ZNF689: variants seen among roughly 807,000 people sequenced by gnomAD.
The protein encoded by ZNF689 is zinc finger protein 689, also known as short ORF-encoded histone-binding protein.
Under a neutral mutation model 37.2 loss-of-function variants are expected in ZNF689, and 14 were observed. The ratio of observed to expected loss-of-function variants is 0.38; its 90% CI spans 0.25 to 0.59. The LOEUF is 0.59. Among genes scored for constraint, ZNF689 ranks in the 20% least tolerant of loss-of-function variants. The pLI, the probability that ZNF689 is intolerant of heterozygous loss-of-function variation, is 0.68. For missense variants in ZNF689, 573 were observed against 700.2 expected (o/e 0.82, Z 2.05); for synonymous variants, 277 against 283.3 (o/e 0.98, Z 0.22).
Position 30,604,088 on chromosome 16 carries a change from G to A in ZNF689, c.*176C>T. The A allele has an allele frequency of 1.3e-6, 1 of 755,654 alleles. No homozygotes were observed. 46.8% of individuals were successfully genotyped at this position (755,654 alleles called of 1,614,324 possible). A position where few individuals can be genotyped will look rare whatever the true frequency, so the allele number is the denominator to read the frequency against. On this transcript the variant is annotated 3_prime_UTR_variant, in exon 3 of 3. Transcript: ENST00000287461. The surrounding 1 kb of genome is among the most constrained non-coding windows in gnomAD (Gnocchi z 5.2). ...CAAATGACGTCACCTCTCCTAATGG[G>A]ACTGTTCCAGACACGCACAGGGAGG...
intron 2 of ZNF689, chr16:30,608,279 T>C (rs1447441678): frequency 7.0e-6 from 1 of 142,304 alleles, no homozygotes; most frequent in African/African-American, 2.6e-5. Context: ...GGTTTTCTTT[T>C]CTTTTTTTTT....
rs543393690 is a variant in ZNF689, at chr16:30,609,983, C to T, written c.59G>A (p.Arg20Gln). Residue 20 changes from arginine to glutamine, a missense_variant, in exon 1 of 3, where the codon CGG (arginine) becomes CAG (glutamine). By Grantham distance (43) the Arg-to-Gln change is conservative. Transcript: ENST00000287461. ...AGCCCTCGGCCTCCTGCCCCTTTTCCGACTGGGTCTGGCCTTTCCTGGTCC... is the reference window on the plus strand; with the variant it reads ...AGCCCTCGGCCTCCTGCCCCTTTTCTGACTGGGTCTGGCCTTTCCTGGTCC... ...AQGPGKARPS[R>Q]KRGRRPRALK... is the part of the protein sequence containing the mutation. The T allele has an allele frequency of 1.2e-6, 2 of 1,610,986 alleles. No individual in the cohort carries two copies. The highest frequency in any genetic ancestry group is 1.7e-5 in the Admixed American group (1 of 59,776).
chr16:30,605,521 G>T lies in ZNF689; in HGVS notation c.320-74C>A. 6.9e-7 allele frequency: 1 copy of T among 1,448,778 alleles called. No homozygotes were observed. Among genetic ancestry groups the T allele is most frequent in the South Asian group, 1.3e-5 (1 of 76,492 alleles). The allele number at this position is 1,448,778 out of a possible 1,614,324, so 89.7% of individuals were successfully genotyped here. On this transcript the variant is annotated intron_variant, in intron 2 of 2. Transcript: ENST00000287461. The surrounding 1 kb of genome is among the most constrained non-coding windows in gnomAD (Gnocchi z 5.1). ...TTGTCAATTACATTATAGGTTACAA[G>T]ACCAATAGACTCACCCCCTGGTCTC... is the stretch of plus-strand genomic sequence containing the variant.
At chr16:30,607,406 C>G (rs1188641932) in intron 2 of ZNF689, among the ~76,000 whole-genome samples, 1 of 149,558 alleles carries the variant, frequency 6.7e-6, no homozygotes, top group Admixed American at 6.7e-5. Context: ...GCCTGGCCAA[C>G]ATGGTGAAAC....
Position 30,605,951 on chromosome 16 carries a change from CA to C in ZNF689, c.320-505del, listed in dbSNP as rs1213916674. ...TGGGCGAGAGAGCGAGATTCCATCTCAAAAAAAAAAAAAAAAGGAATATTTT... is the reference window on the plus strand; with the variant it reads ...TGGGCGAGAGAGCGAGATTCCATCTCAAAAAAAAAAAAAAAGGAATATTTT... On this transcript the variant is annotated intron_variant, in intron 2 of 2. Transcript: ENST00000287461. The surrounding 1 kb of genome is among the most constrained non-coding windows in gnomAD (Gnocchi z 5.1). Among the ~76,000 whole-genome samples the C allele has an allele frequency of 0.036, 2,360 of 66,044 alleles. 44 individuals are homozygous for C. The highest frequency in any genetic ancestry group is 0.094 in the African/African-American group (1,808 of 19,186). The allele number at this position is 66,044 out of a possible 152,430, so 43.3% of individuals were successfully genotyped here.
chr16:30,604,593 G>C lies in ZNF689; in HGVS notation c.1174C>G (p.Arg392Gly). Residue 392 changes from arginine to glycine, a missense_variant, in exon 3 of 3, where the codon CGC becomes GGC. Transcript: ENST00000287461. This position sits in a 1 kb window ranked among gnomAD's most constrained non-coding sequence, Gnocchi z 5.2. ...AGCTTCTCCTCTGTGTGCGTGCTGC[G>C]ATGGATGGCCAGGGAGCCGCTCCGC... ...FRRSGSLAIH[R>G]STHTEEKLHA... The C allele has an allele frequency of 6.3e-7, 1 of 1,596,064 alleles. No individual in the cohort carries two copies. The highest frequency in any genetic ancestry group is 8.5e-7 in the Non-Finnish European group (1 of 1,171,594).
At position 30,605,951 on chromosome 16, in the gene ZNF689, CAAA is replaced by C. The variant is rs1213916674; in HGVS notation, c.320-507_320-505del. Among the ~76,000 whole-genome samples the C allele has an allele frequency of 1.1e-4, 7 of 66,068 alleles. No homozygotes were observed. The highest frequency in any genetic ancestry group is 9.8e-5 in the Non-Finnish European group (3 of 30,590). 43.3% of individuals were successfully genotyped at this position (66,068 alleles called of 152,430 possible). A position where few individuals can be genotyped will look rare whatever the true frequency, so the allele number is the denominator to read the frequency against. On this transcript the variant is annotated intron_variant, in intron 2 of 2. Coordinates refer to ENST00000287461, the MANE Select transcript of ZNF689 (RefSeq NM_138447.3). The surrounding 1 kb of genome is among the most constrained non-coding windows in gnomAD (Gnocchi z 5.1). ...TGGGCGAGAGAGCGAGATTCCATCT[CAAA>C]AAAAAAAAAAAAAGGAATATTTTTG...
rs1419206120 is a variant in ZNF689 at position 30,602,807 on chromosome 16, C to T, written c.*1457G>A. 2.6e-5 allele frequency: 4 copies of T among 152,172 alleles called. No homozygotes were observed. Among genetic ancestry groups the T allele is most frequent in the Non-Finnish European group, 5.9e-5 (4 of 68,040 alleles). 9.4% of individuals were successfully genotyped at this position (152,172 alleles called of 1,614,324 possible). A position where few individuals can be genotyped will look rare whatever the true frequency, so the allele number is the denominator to read the frequency against. On this transcript the variant is annotated 3_prime_UTR_variant, in exon 3 of 3. Coordinates refer to ENST00000287461, the MANE Select transcript of ZNF689 (RefSeq NM_138447.3). Reference sequence around the variant, plus strand: ...AGCTGTTGGAATATGAGATGAGTCACATCTGGAAATTCTAATTTGGTGCAG... The same window carrying T: ...AGCTGTTGGAATATGAGATGAGTCATATCTGGAAATTCTAATTTGGTGCAG...
chr16:30,603,392 A>ATTTTTGTTTTTTTTTT lies in ZNF689; in HGVS notation c.*871_*872insAAAAAAAAAACAAAAA, dbSNP rs2051999516. The ATTTTTGTTTTTTTTTT allele has an allele frequency of 6.8e-6, 1 of 146,444 alleles. No homozygotes were observed. 9.1% of individuals were successfully genotyped at this position (146,444 alleles called of 1,614,324 possible). ...TTTTTTTTTTTTTTAAGTTTAGGGC[A>ATTTTTGTTTTTTTTTT]TTTATATATCTGCAACCCAATAAAC... On this transcript the variant is annotated 3_prime_UTR_variant, in exon 3 of 3. Coordinates refer to ENST00000287461, the MANE Select transcript of ZNF689 (RefSeq NM_138447.3).
At position 30,605,486 on chromosome 16, in the gene ZNF689, G is replaced by A. The variant is rs2052027872; in HGVS notation, c.320-39C>T. ...GAAGCATTAATTTAACAAATACTGGGCTCCTGCTCTTGTCAATTACATTAT... is the reference window on the plus strand; with the variant it reads ...GAAGCATTAATTTAACAAATACTGGACTCCTGCTCTTGTCAATTACATTAT... On this transcript the variant is annotated intron_variant, in intron 2 of 2. Coordinates refer to ENST00000287461, the MANE Select transcript of ZNF689 (RefSeq NM_138447.3). The surrounding 1 kb of genome is among the most constrained non-coding windows in gnomAD (Gnocchi z 5.1). 1 of 1,580,800 alleles carries A rather than the reference G, an allele frequency of 6.3e-7. No homozygotes were observed. Among genetic ancestry groups the A allele is most frequent in the Non-Finnish European group, 8.6e-7 (1 of 1,163,532 alleles).
chr16:30,609,599 T>G lies in ZNF689; in HGVS notation c.245A>C (p.Glu82Ala). Residue 82 changes from glutamate to alanine, a missense_variant, in exon 2 of 3, where the codon GAA becomes GCA. Glu to Ala is a moderately radical substitution (Grantham distance 107). Around this residue, in one of 3 missense-constraint regions of ZNF689, gnomAD observed 252 missense variants for 313.3 expected, o/e 0.80. Coordinates refer to ENST00000287461, the MANE Select transcript of ZNF689 (RefSeq NM_138447.3). ...GPKPALISWL[E>A]RNTDDWEPAA... is the part of the protein sequence containing the mutation. Reference sequence around the variant, plus strand: ...CGGTTCCCAGTCATCGGTGTTTCGTTCCAACCAGGAGATGAGGGCTGGTTT... The same window carrying G: ...CGGTTCCCAGTCATCGGTGTTTCGTGCCAACCAGGAGATGAGGGCTGGTTT... The G allele has an allele frequency of 6.2e-7, 1 of 1,613,918 alleles. No homozygotes were observed.
In ZNF689 at chr16:30,609,702, G is replaced by C. The variant is rs868526372; in HGVS notation, c.206-64C>G. Reference sequence around the variant, plus strand: ...TCACGCCGAGTAGTATCTCCCCGACGGCACCTCCTGCTAAGCCCCTGCCCA... The same window carrying C: ...TCACGCCGAGTAGTATCTCCCCGACCGCACCTCCTGCTAAGCCCCTGCCCA... On this transcript the variant is annotated intron_variant, in intron 1 of 2. Coordinates refer to ENST00000287461, the MANE Select transcript of ZNF689 (RefSeq NM_138447.3). The C allele has an allele frequency of 4.5e-5, 73 of 1,605,948 alleles. No individual in the cohort carries two copies. In the Middle Eastern group the frequency reaches 3.2e-3, roughly 70 times the overall value.
At position 30,609,444 on chromosome 16, in the gene ZNF689, C is replaced by T. The variant is rs952872739; in HGVS notation, c.319+81G>A. ...AAATACGCGGCACCCACCCCTAGCC[C>T]AACCAAAACTCTGGACAGAGCCGTT... is the stretch of plus-strand genomic sequence containing the variant. On this transcript the variant is annotated intron_variant, in intron 2 of 2. Transcript: ENST00000287461. 19 of 1,359,706 alleles carry T rather than the reference C, an allele frequency of 1.4e-5. No homozygotes were observed. In the African/African-American group the frequency reaches 2.6e-4, roughly 18 times the overall value. 84.2% of individuals were successfully genotyped at this position (1,359,706 alleles called of 1,614,324 possible).
chr16:30,605,022 C>T lies in ZNF689; in HGVS notation c.745G>A (p.Ala249Thr), dbSNP rs1265704099. ...CCTGTGTGTGTGGTCCGGTGATTGG[C>T]CAAGGACCGGCTCCTCCGGAAGCAG... ...GRCFRRSRSL[A>T]NHRTTHTGEK... The change falls in exon 3 of 3, where the codon GCC becomes ACC. Residue 249 changes from alanine (A) to threonine (T), a missense_variant. Ala to Thr is a moderately conservative substitution (Grantham distance 58). Coordinates refer to ENST00000287461, the MANE Select transcript of ZNF689 (RefSeq NM_138447.3). This position sits in a 1 kb window ranked among gnomAD's most constrained non-coding sequence, Gnocchi z 5.1. 1.2e-6 allele frequency: 2 copies of T among 1,610,316 alleles called. No homozygotes were observed. The highest frequency in any genetic ancestry group is 3.3e-5 in the Admixed American group (2 of 59,812).
At position 30,604,536 on chromosome 16, in the gene ZNF689, C is replaced by A. The variant is rs2052015403; in HGVS notation, c.1231G>T (p.Ala411Ser). Residue 411 changes from alanine (A) to serine (S), a missense_variant, in exon 3 of 3, where the codon GCC becomes TCC. Physicochemically the swap from Ala to Ser is moderately conservative, Grantham distance 99. Coordinates refer to ENST00000287461, the MANE Select transcript of ZNF689 (RefSeq NM_138447.3). This position sits in a 1 kb window ranked among gnomAD's most constrained non-coding sequence, Gnocchi z 5.2. Reference protein sequence around the residue: ...HACDDCGRRFAYPSLLASHRR... With the variant: ...HACDDCGRRFSYPSLLASHRR... ...TGGCTGGCCAGCAGTGAGGGGTAGG[C>A]AAAGCGGCGACCACAGTCGTCGCAG... The A allele has an allele frequency of 2.5e-6, 4 of 1,591,166 alleles. No individual in the cohort carries two copies. In the Admixed American group the frequency reaches 5.4e-5, roughly 21 times the overall value.
Position 30,604,809 on chromosome 16 carries a change from G to A in ZNF689, c.958C>T (p.Pro320Ser), listed in dbSNP as rs1338098740. The A allele has an allele frequency of 6.2e-7, 1 of 1,609,614 alleles. No individual in the cohort carries two copies. The highest frequency in any genetic ancestry group is 1.1e-5 in the South Asian group (1 of 90,478). ...IHTGEKPYPC[P>S]DCERRFSSSS... The stretch of plus-strand genomic sequence containing the variant: ...GAGGAGAAGCGCCGCTCGCAGTCCG[G>A]GCACGGGTAGGGCTTCTCGCCCGTG... Residue 320 changes from proline to serine, a missense_variant, in exon 3 of 3, where the codon CCG (proline) becomes TCG (serine). Transcript: ENST00000287461. The surrounding 1 kb of genome is among the most constrained non-coding windows in gnomAD (Gnocchi z 5.2).
In ZNF689 at chr16:30,604,828, G is replaced by A. The variant is rs747323889; in HGVS notation, c.939C>T (p.Gly313=). 8.1e-6 allele frequency: 13 copies of A among 1,605,006 alleles called. No individual in the cohort carries two copies. In the South Asian group the frequency reaches 1.4e-4, roughly 18 times the overall value. Residue 313 remains glycine, a synonymous_variant, in exon 3 of 3, where the codon GGC becomes GGT. Transcript: ENST00000287461. This position sits in a 1 kb window ranked among gnomAD's most constrained non-coding sequence, Gnocchi z 5.2. ...ALVIHQRIHT[G]EKPYPCPDCE... is the part of the protein sequence containing the mutation. ...AGTCCGGGCACGGGTAGGGCTTCTC[G>A]CCCGTGTGGATGCGCTGGTGGATGA... is the stretch of plus-strand genomic sequence containing the variant.
At chr16:30,610,617 T>A (rs2052089007), upstream of ZNF689, 1 of 153,062 alleles carries the variant, frequency 6.5e-6, no homozygotes, top group Non-Finnish European at 1.5e-5. Context: ...CCGGGGCTGC[T>A]TTCCGCTGTT....
At position 30,604,183 on chromosome 16, in the gene ZNF689, G is replaced by T; in HGVS notation, c.*81C>A. On this transcript the variant is annotated 3_prime_UTR_variant, in exon 3 of 3. Transcript: ENST00000287461. The surrounding 1 kb of genome is among the most constrained non-coding windows in gnomAD (Gnocchi z 5.2). ...GAGACCCGGGTTTAGTTCTGACTCT[G>T]CCCTGTATGACCTGGGGCTCCTCCT... 1.4e-6 allele frequency: 2 copies of T among 1,470,490 alleles called. No individual in the cohort carries two copies. The highest frequency in any genetic ancestry group is 9.4e-7 in the Non-Finnish European group (1 of 1,060,518). The allele number at this position is 1,470,490 out of a possible 1,614,324, so 91.1% of individuals were successfully genotyped here. A position where few individuals can be genotyped will look rare whatever the true frequency, so the allele number is the denominator to read the frequency against.
Sources: gnomAD v4.1 joint callset for allele counts (sites outside exome capture counted in the v4.1 genomes callset) on GRCh38, gnomAD v4.1.1 for gene constraint, gnomAD v4.1.1 regional missense constraint, Gnocchi (gnomAD v3.1) non-coding constraint, MANE v1.5 for transcripts, NCBI Gene and HGNC (gene_info 2026-07-23, HGNC 2026-07-21) for gene names.